The following EXD2 variants were observed in gnomAD, a reference collection of about 807,000 sequenced individuals.
EXD2 encodes the protein exonuclease 3'-5' domain-containing protein 2.
A neutral mutation model predicts 62.5 loss-of-function variants in EXD2; 40 were observed. The observed-to-expected ratio is 0.64, with a 90% CI of 0.50 to 0.83. The LOEUF (loss-of-function observed/expected upper bound fraction) is 0.83, where lower values mean the gene tolerates loss of function less well. Among genes scored for constraint, EXD2 ranks in the 40% least tolerant of loss-of-function variants. The pLI is 0.00. For synonymous variants in EXD2, 239 were observed against 291.9 expected (o/e 0.82, Z 1.85); for missense variants, 671 against 761.8 (o/e 0.88, Z 1.40).
At chr14:69,195,073 C>G (rs534546363) in intron 1 of EXD2, among the ~76,000 whole-genome samples, 3 of 152,106 alleles carry the variant, frequency 2.0e-5, no homozygotes, top group Non-Finnish European at 4.4e-5. Flanking sequence ...AAAAATTAGC[C>G]GGGCGTGATG....
intron 3 of EXD2, among the ~76,000 whole-genome samples, chr14:69,217,993 A>G (rs890654978): frequency 9.9e-5 from 15 of 152,220 alleles, no homozygotes; most frequent in Non-Finnish European, 7.3e-5. Flanking sequence ...CACAATAAAC[A>G]TACGTGTGCA....
chr14:69,237,496 C>T, intron 8 of EXD2, 79 bp from the exon 9 acceptor site: 1 of 1,350,042 alleles, frequency 7.4e-7, no homozygotes, highest in Non-Finnish European at 1.1e-6. Flanking sequence ...CAGTTAGAAC[C>T]CCAGTAGCCT....
intron 9 of EXD2, 47 bp downstream of exon 9, chr14:69,237,978 A>C: frequency 9.4e-6 from 14 of 1,483,870 alleles, no homozygotes; most frequent in South Asian, 1.4e-5. Context: ...ATTAACCCTC[A>C]TTACTTAGTG....
At chr14:69,206,146 C>T (rs2042582854) in intron 2 of EXD2, among the ~76,000 whole-genome samples, 1 of 152,078 alleles carries the variant, frequency 6.6e-6, no homozygotes, top group South Asian at 2.1e-4. Context: ...ATTTCAAACT[C>T]CTGGGCTCAA....
intron 2 of EXD2, 25 bp from the exon 3 acceptor site, chr14:69,209,397 AAT>A: frequency 1.6e-6 from 2 of 1,251,506 alleles, no homozygotes; most frequent in Non-Finnish European, 2.2e-6. Context: ...TCTGTATATA[AAT>A]ATATTTTTGC....
At chr14:69,233,652 G>A (rs1349414135) in intron 5 of EXD2, among the ~76,000 whole-genome samples, 4 of 151,970 alleles carry the variant, frequency 2.6e-5, no homozygotes, top group South Asian at 2.1e-4. Context: ...TGTTGGCTGC[G>A]CTGGTCTCAA....
rs990553295 is a variant in EXD2 at position 69,238,943 on chromosome 14, C to G, written c.1649+1012C>G. On this transcript the variant is annotated intron_variant, in intron 9 of 9. Transcript: ENST00000685843. ...GTGCCTGGCCCCAAATCATTTTGAT[C>G]TGAGGTTTGAATCCACAGATGCAGA... Among the ~76,000 whole-genome samples, 21 of 152,110 alleles carry G rather than the reference C, an allele frequency of 1.4e-4. 1 individual carries two copies. The highest frequency in any genetic ancestry group is 1.4e-3 in the Admixed American group (21 of 15,268).
intron 6 of EXD2, among the ~76,000 whole-genome samples, chr14:69,235,302 A>G (rs1436196497): frequency 6.6e-6 from 1 of 152,178 alleles, no homozygotes; most frequent in Non-Finnish European, 1.5e-5. Context: ...ATTGACCCTG[A>G]TGTGACCTTA....
chr14:69,240,842 C>T (rs368693246), intron 9 of EXD2, 42 bp from the exon 10 acceptor site: 495 of 1,574,244 alleles, frequency 3.1e-4, no homozygotes, highest in Middle Eastern at 5.9e-4. Context: ...GGCCATCCTG[C>T]GCTTGTTTCC....
At chr14:69,201,918 G>A (rs1400847092) in intron 1 of EXD2, among the ~76,000 whole-genome samples, 1 of 151,962 alleles carries the variant, frequency 6.6e-6, no homozygotes, top group African/African-American at 2.4e-5. Context: ...CTGACCTCAG[G>A]TATTCCACCT....
At chr14:69,212,251 C>A (rs1052887682) in intron 3 of EXD2, among the ~76,000 whole-genome samples, 1 of 152,024 alleles carries the variant, frequency 6.6e-6, no homozygotes, top group Non-Finnish European at 1.5e-5. Context: ...GTAGCAGGCG[C>A]CTGTAATCCT....
At position 69,206,721 on chromosome 14, in the gene EXD2, G is replaced by A. The variant is rs149151842; in HGVS notation, c.-47-2703G>A. On this transcript the variant is annotated intron_variant, in intron 2 of 9. Transcript: ENST00000685843. ...GATCTCAAACTCCTAGGCTCAAGCC[G>A]TCCACCTGCCTCGGCCTCCCAAAGT... 1.1e-4 allele frequency among the ~76,000 whole-genome samples: 17 copies of A among 151,974 alleles called. No individual in the cohort carries two copies. The South Asian group carries it at 2.7e-3, about 24-fold the overall frequency.
intron 3 of EXD2, among the ~76,000 whole-genome samples, chr14:69,220,646 G>A (rs537209146): frequency 4.0e-5 from 6 of 150,118 alleles, no homozygotes; most frequent in Non-Finnish European, 8.9e-5. Context: ...CGAGGTGGGC[G>A]GATCATGAAG....
rs1293697614 is a variant in EXD2, at chr14:69,234,746, T to C, written c.764T>C (p.Leu255Pro). 2 of 1,614,032 alleles carry C rather than the reference T, an allele frequency of 1.2e-6. No individual in the cohort carries two copies. The highest frequency in any genetic ancestry group is 4.5e-5 in the East Asian group (2 of 44,888). ...RDAQISVALF[L>P]HLLGYPFSRN... The stretch of plus-strand genomic sequence containing the variant: ...GCCCAGATTTCAGTGGCTCTCTTTC[T>C]TCATCTTCTTGGATACCCTTTCTCT... The change falls in exon 6 of 10, where the codon CTT becomes CCT. Residue 255 changes from leucine (L) to proline (P), a missense_variant. Transcript: ENST00000685843.
intron 7 of EXD2, 117 bp downstream of exon 7, chr14:69,236,269 C>T: frequency 6.6e-7 from 1 of 1,508,634 alleles, no homozygotes. Context: ...CCGTGAGATG[C>T]ATGGGACTGG....
intron 3 of EXD2, among the ~76,000 whole-genome samples, chr14:69,221,211 A>G (rs980088023): frequency 2.6e-5 from 4 of 152,182 alleles, no homozygotes; most frequent in African/African-American, 7.2e-5. Context: ...AGCTTCATAC[A>G]ACAGGTTAGG....
At position 69,223,771 on chromosome 14, in the gene EXD2, AT is replaced by A. The variant is rs138581857; in HGVS notation, c.334-5043del. Among the ~76,000 whole-genome samples the A allele has an allele frequency of 6.0e-3, 921 of 152,276 alleles. 16 individuals are homozygous for A. The highest frequency in any genetic ancestry group is 0.055 in the East Asian group (287 of 5,180). ...TTTCCTTGCATAACAGGTACAAATA[AT>A]TGGTGCAATAAAGGCTGAGCAAGGT... On this transcript the variant is annotated intron_variant, in intron 3 of 9. Transcript: ENST00000685843.
At chr14:69,231,440 C>T (rs1426355607) in intron 5 of EXD2, among the ~76,000 whole-genome samples, 1 of 152,184 alleles carries the variant, frequency 6.6e-6, no homozygotes, top group Non-Finnish European at 1.5e-5. Context: ...TCCCCATCCT[C>T]CCAATTTAGG....
At chr14:69,200,930 C>T (rs747897337) in intron 1 of EXD2, among the ~76,000 whole-genome samples, 1 of 151,402 alleles carries the variant, frequency 6.6e-6, no homozygotes. Context: ...AAAAATTAAC[C>T]GGGTGTGGTG....
Sources: allele counts gnomAD v4.1 joint callset (sites outside exome capture counted in the v4.1 genomes callset), GRCh38; gene constraint gnomAD v4.1.1; transcripts MANE v1.5; gene names NCBI Gene and HGNC (gene_info 2026-07-23, HGNC 2026-07-21).